DRAM2: variants seen among roughly 807,000 people sequenced by gnomAD.
DRAM2 encodes the protein DNA damage-regulated autophagy modulator protein 2.
Under a neutral mutation model 33.5 loss-of-function variants are expected in DRAM2, and 26 were observed. The observed-to-expected ratio is 0.78, with a 90% CI of 0.57 to 1.08. The LOEUF is 1.08. Among genes scored for constraint, DRAM2 ranks in the 50% least tolerant of loss-of-function variants. The pLI, the probability that DRAM2 is intolerant of heterozygous loss-of-function variation, is 0.00. For synonymous variants in DRAM2, 98 were observed against 109.5 expected (o/e 0.89, Z 0.66); for missense variants, 311 against 318.1 (o/e 0.98, Z 0.17).
At chr1:111,123,137 C>G (rs1650345255) in intron 6 of DRAM2, among the ~76,000 whole-genome samples, 1 of 152,144 alleles carries the variant, frequency 6.6e-6, no homozygotes, top group Non-Finnish European at 1.5e-5. Flanking sequence ...TAATGAGCTA[C>G]AGAAACTGAT....
intron 3 of DRAM2, among the ~76,000 whole-genome samples, chr1:111,132,235 A>G (rs923509043): frequency 6.6e-6 from 1 of 152,206 alleles, no homozygotes; most frequent in African/African-American, 2.4e-5. Context: ...GAGAGCTTCT[A>G]GATAGCCAAA....
intron 9 of DRAM2, 49 bp from the exon 10 acceptor site, chr1:111,118,316 G>T: frequency 7.8e-7 from 1 of 1,286,366 alleles, no homozygotes; most frequent in Non-Finnish European, 1.1e-6. Context: ...CTTAAAGAGA[G>T]ATCACTCCTT....
intron 8 of DRAM2, 62 bp from the exon 9 acceptor site, chr1:111,118,959 G>A (rs868631531): frequency 5.4e-6 from 6 of 1,111,600 alleles, no homozygotes; most frequent in South Asian, 1.9e-5. Flanking sequence ...TATATACTAT[G>A]TTTCAAATAA....
chr1:111,122,036 T>G (rs964876023), intron 6 of DRAM2, among the ~76,000 whole-genome samples: 22 of 152,060 alleles, frequency 1.4e-4, no homozygotes, highest in Non-Finnish European at 8.8e-5. Flanking sequence ...AATGGAGATA[T>G]TAAGAAGGGG....
rs561392566 is a variant in DRAM2 at position 111,125,960 on chromosome 1, A to G, written c.199+267T>C. 3.6e-3 allele frequency among the ~76,000 whole-genome samples: 547 copies of G among 152,314 alleles called. 6 individuals are homozygous for G. The highest frequency in any genetic ancestry group is 5.1e-3 in the Non-Finnish European group (345 of 68,018). ...CTTAAGAAGTCCACTACAGTCCTCA[A>G]GGAATATCTGGTTAGACTTAACAAC... On this transcript the variant is annotated intron_variant, in intron 5 of 9. Transcript: ENST00000484310.
At chr1:111,122,414 G>A (rs543536184) in intron 6 of DRAM2, among the ~76,000 whole-genome samples, 40 of 152,222 alleles carry the variant, frequency 2.6e-4, no homozygotes, top group African/African-American at 9.4e-4. Context: ...AGAAGTGAAT[G>A]TCTTCAAAAA....
rs1478974934 is a variant in DRAM2 at position 111,131,460 on chromosome 1, G to A, written c.95C>T (p.Thr32Ile). The A allele has an allele frequency of 1.9e-6, 3 of 1,614,114 alleles. No homozygotes were observed. The highest frequency in any genetic ancestry group is 2.5e-6 in the Non-Finnish European group (3 of 1,179,980). Reference sequence around the variant, plus strand: ...TAAAGCCGGGTCTATATGGTGGAGTGTTACTGCAGTAATGTATGAAAATAT... The same window carrying A: ...TAAAGCCGGGTCTATATGGTGGAGTATTACTGCAGTAATGTATGAAAATAT... ...AFIFSYITAV[T>I]LHHIDPALPY... The change falls in exon 4 of 10, where the codon ACA (threonine) becomes ATA (isoleucine). Residue 32 changes from threonine (T) to isoleucine (I), a missense_variant. Thr to Ile is a moderately conservative substitution (Grantham distance 89, BLOSUM62 -1). Transcript: ENST00000484310.
intron 3 of DRAM2, among the ~76,000 whole-genome samples, chr1:111,135,687 C>T (rs758603286): frequency 1.1e-4 from 17 of 152,124 alleles, no homozygotes; most frequent in Non-Finnish European, 2.5e-4. Flanking sequence ...TACCTAAGCC[C>T]TTTGTATGTA....
intron 3 of DRAM2, among the ~76,000 whole-genome samples, chr1:111,131,809 A>C (rs1652152048): frequency 6.6e-6 from 1 of 152,182 alleles, no homozygotes; most frequent in South Asian, 2.1e-4. Flanking sequence ...GAAAGTACCA[A>C]GTACTGTTTA....
chr1:111,138,795 G>T (rs1653853575), intron 2 of DRAM2, among the ~76,000 whole-genome samples: 1 of 152,024 alleles, frequency 6.6e-6, no homozygotes, highest in Non-Finnish European at 1.5e-5. Context: ...AAAAAGAAAA[G>T]AAAAAGTCTT....
intron 3 of DRAM2, among the ~76,000 whole-genome samples, chr1:111,136,277 T>C (rs1653118636): frequency 6.6e-6 from 1 of 152,140 alleles, no homozygotes; most frequent in Admixed American, 6.5e-5. Flanking sequence ...AAAAATGGAA[T>C]AATGTGAGGC....
In DRAM2 at chr1:111,117,600, C is replaced by T. The variant is rs112279674; in HGVS notation, c.*560G>A. 2,164 of 153,474 alleles carry T rather than the reference C, an allele frequency of 0.014. 47 individuals carry two copies. Among genetic ancestry groups the T allele is most frequent in the African/African-American group, 0.046 (1,918 of 41,546 alleles). The allele number at this position is 153,474 out of a possible 1,614,324, so 9.5% of individuals were successfully genotyped here. On this transcript the variant is annotated 3_prime_UTR_variant, in exon 10 of 10. Coordinates refer to ENST00000484310, the MANE Select transcript of DRAM2 (RefSeq NM_001349884.2). ...TACCTACAAAATCTCTTGGGCAACA[C>T]TTAAGCCATGGAAGAGCCCACATGA...
chr1:111,134,146 TTAAG>T (rs1179546169), intron 3 of DRAM2, among the ~76,000 whole-genome samples: 2 of 152,344 alleles, frequency 1.3e-5, no homozygotes, highest in African/African-American at 2.4e-5. Context: ...AAGGATGTTG[TTAAG>T]TAATAATGAG....
intron 4 of DRAM2, among the ~76,000 whole-genome samples, chr1:111,130,602 A>G (rs1651865095): frequency 6.6e-6 from 1 of 151,832 alleles, no homozygotes; most frequent in South Asian, 2.1e-4. Flanking sequence ...CAGGAGGCTG[A>G]GGCAGGAGAA....
chr1:111,127,440 T>C (rs1299611611), intron 4 of DRAM2, among the ~76,000 whole-genome samples: 1 of 151,910 alleles, frequency 6.6e-6, no homozygotes, highest in Non-Finnish European at 1.5e-5. Context: ...CTTCTAACTT[T>C]CCAATTCCAT....
Position 111,126,309 on chromosome 1 carries a change from G to A in DRAM2, c.132-15C>T, listed in dbSNP as rs1651006570. 6.4e-7 allele frequency: 1 copy of A among 1,564,848 alleles called. No individual in the cohort carries two copies. Among genetic ancestry groups the A allele is most frequent in the Non-Finnish European group, 8.8e-7 (1 of 1,138,342 alleles). ...TACCAGTGTCACTGAAAGAAAAAAA[G>A]GAAGGTATGTGGATTTCTCATACTA... On this transcript the variant is annotated splice_polypyrimidine_tract_variant and intron_variant, in intron 4 of 9. Transcript: ENST00000484310.
intron 6 of DRAM2, among the ~76,000 whole-genome samples, chr1:111,123,953 T>C (rs1650515292): frequency 6.6e-6 from 1 of 152,208 alleles, no homozygotes; most frequent in Non-Finnish European, 1.5e-5. Flanking sequence ...TGCAGAACTA[T>C]GAGCCAAATA....
At position 111,124,798 on chromosome 1, in the gene DRAM2, C is replaced by A. The variant is rs1284122904; in HGVS notation, c.283G>T (p.Gly95Cys). The change falls in exon 6 of 10, where the codon GGC becomes TGC. Residue 95 changes from glycine (G) to cysteine (C), a missense_variant. Coordinates refer to ENST00000484310, the MANE Select transcript of DRAM2 (RefSeq NM_001349884.2). ...CAACTCAGTATTCCAAGTACAAGGC[C>A]AGCCTTGTTTAATTTGATGATAACG... is the stretch of plus-strand genomic sequence containing the variant. ...ENVIIKLNKA[G>C]LVLGILSCLG... The A allele has an allele frequency of 6.2e-7, 1 of 1,613,300 alleles. No homozygotes were observed. Among genetic ancestry groups the A allele is most frequent in the African/African-American group, 1.3e-5 (1 of 74,856 alleles).
At chr1:111,136,457 C>T (rs1163820725) in intron 3 of DRAM2, among the ~76,000 whole-genome samples, 1 of 151,720 alleles carries the variant, frequency 6.6e-6, no homozygotes, top group African/African-American at 2.4e-5. Flanking sequence ...TCCAGCTACT[C>T]GGGAGGTTGA....
Sources: gnomAD v4.1 joint callset for allele counts (sites outside exome capture counted in the v4.1 genomes callset) on GRCh38, gnomAD v4.1.1 for gene constraint, MANE v1.5 for transcripts, NCBI Gene and HGNC (gene_info 2026-07-23, HGNC 2026-07-21) for gene names.